EFCAB8: variants seen among roughly 807,000 people sequenced by gnomAD.
EFCAB8 encodes the protein EF-hand calcium binding domain 8.
EFCAB8 carries 100 observed loss-of-function variants against 116.3 expected under a neutral mutation model. The observed-to-expected ratio is 0.86, with a 90% CI of 0.73 to 1.02. The LOEUF is 1.02. Ranked by LOEUF, EFCAB8 falls within the 50% of genes least tolerant of loss-of-function variation. The pLI is 0.00. For missense variants in EFCAB8, 1,320 were observed against 1,416.9 expected (o/e 0.93, Z 1.10); for synonymous variants, 558 against 567.9 (o/e 0.98, Z 0.25).
At chr20:32,958,328 C>G (rs1296503364) in intron 23 of EFCAB8, 93 bp from the exon 24 acceptor site, 6 of 410,140 alleles carry the variant, frequency 1.5e-5, no homozygotes, top group Non-Finnish European at 2.7e-5. Context: ...ATAGGGGCTG[C>G]TAGCTGACCC....
At chr20:32,916,649 T>G (rs1987203026) in intron 17 of EFCAB8, among the ~76,000 whole-genome samples, 1 of 152,196 alleles carries the variant, frequency 6.6e-6, no homozygotes, top group African/African-American at 2.4e-5. Context: ...CTTCAGATAC[T>G]CTCACATTGA....
intron 15 of EFCAB8, among the ~76,000 whole-genome samples, chr20:32,910,377 G>T (rs1462382971): frequency 6.6e-6 from 1 of 152,188 alleles, no homozygotes; most frequent in Non-Finnish European, 1.5e-5. Flanking sequence ...CAGCACCTTG[G>T]TCCTGCGTGG....
intron 26 of EFCAB8, 104 bp downstream of exon 26, chr20:32,960,265 T>C (rs1989107554): frequency 9.5e-7 from 1 of 1,052,856 alleles, no homozygotes; most frequent in Non-Finnish European, 1.4e-6. Flanking sequence ...TCAGTGAGGG[T>C]GGACAGGAGC....
chr20:32,923,416 G>A lies in EFCAB8; in HGVS notation c.2412+3201G>A, dbSNP rs576538449. Among the ~76,000 whole-genome samples the A allele has an allele frequency of 2.2e-4, 33 of 151,990 alleles. 1 individual carries two copies. The highest frequency in any genetic ancestry group is 1.2e-4 in the Non-Finnish European group (8 of 68,010). ...CAGGAGAATTGATTGAACCCGGGAG[G>A]CGGAGGTTGCAGTGAGCTGAGATCG... is the stretch of plus-strand genomic sequence containing the variant. On this transcript the variant is annotated intron_variant, in intron 20 of 26. Coordinates refer to ENST00000400522, the MANE Select transcript of EFCAB8 (RefSeq NM_001143967.2).
chr20:32,875,999 G>C lies in EFCAB8; in HGVS notation c.282G>C (p.Glu94Asp), dbSNP rs1984952357. 1 of 1,552,158 alleles carries C rather than the reference G, an allele frequency of 6.4e-7. No homozygotes were observed. The highest frequency in any genetic ancestry group is 8.7e-7 in the Non-Finnish European group (1 of 1,147,122). The change falls in exon 4 of 27, where the codon GAG (glutamate) becomes GAC (aspartate). Residue 94 changes from glutamate to aspartate, a missense_variant. By Grantham distance (45) the Glu-to-Asp change is conservative. Coordinates refer to ENST00000400522, the MANE Select transcript of EFCAB8 (RefSeq NM_001143967.2). ...GTGTGTCGGACGAGATGCTAAAGGA[G>C]CTGTTTTTGAAGGTGGACTCGGACT... is the stretch of plus-strand genomic sequence containing the variant. The part of the protein sequence containing the change: ...LSSVSDEMLK[E>D]LFLKVDSDCE...
chr20:32,905,497 T>C (rs1358097488), intron 11 of EFCAB8, among the ~76,000 whole-genome samples: 1 of 152,132 alleles, frequency 6.6e-6, no homozygotes, highest in East Asian at 1.9e-4. Context: ...GTTTGGTGGC[T>C]CATGCCTGTA....
intron 2 of EFCAB8, among the ~76,000 whole-genome samples, chr20:32,865,208 A>T (rs904766219): frequency 3.3e-5 from 5 of 152,184 alleles, no homozygotes; most frequent in Non-Finnish European, 7.4e-5. Context: ...GATGACTGTC[A>T]TCTGAAAGTT....
chr20:32,907,174 T>A lies in EFCAB8; in HGVS notation c.1308+180T>A, dbSNP rs1449600483. On this transcript the variant is annotated intron_variant, in intron 13 of 26. Coordinates refer to ENST00000400522, the MANE Select transcript of EFCAB8 (RefSeq NM_001143967.2). ...TCTGAGCATGTCCCCAGAGCTGGGT[T>A]CCCAGGTAGCCCAGCCTGGCTTCTA... 3 of 969,632 alleles carry A rather than the reference T, an allele frequency of 3.1e-6. No homozygotes were observed. The African/African-American group carries it at 5.3e-5, about 17-fold the overall frequency. 60.1% of individuals were successfully genotyped at this position (969,632 alleles called of 1,614,324 possible).
chr20:32,895,015 C>G (rs1332764362), intron 9 of EFCAB8, among the ~76,000 whole-genome samples: 2 of 152,274 alleles, frequency 1.3e-5, no homozygotes, highest in Non-Finnish European at 2.9e-5. Flanking sequence ...CAATGTTTGG[C>G]ATGAGCCGCC....
chr20:32,873,705 A>G (rs1984802025), intron 3 of EFCAB8, among the ~76,000 whole-genome samples: 1 of 151,346 alleles, frequency 6.6e-6, no homozygotes, highest in South Asian at 2.1e-4. Flanking sequence ...TCTACTAAAA[A>G]TACAAAAATT....
rs915771309 is a variant in EFCAB8, at chr20:32,859,686, T to C, written c.-11+680T>C. ...TGAACATTTTGCCACATTTGTGTTA[T>C]TATACATGTTACTTGTTAAACCATT... On this transcript the variant is annotated intron_variant, in intron 1 of 26. Transcript: ENST00000400522. Among the ~76,000 whole-genome samples, 13 of 152,344 alleles carry C rather than the reference T, an allele frequency of 8.5e-5. No homozygotes were observed. In the South Asian group the frequency reaches 2.3e-3, roughly 27 times the overall value.
intron 9 of EFCAB8, among the ~76,000 whole-genome samples, chr20:32,893,752 C>T (rs1312142654): frequency 1.3e-5 from 2 of 152,118 alleles, no homozygotes; most frequent in African/African-American, 4.8e-5. Context: ...TCTGTGGAGC[C>T]TGGGCATGGC....
At chr20:32,880,645 A>T (rs1488600905) in intron 5 of EFCAB8, among the ~76,000 whole-genome samples, 1 of 152,232 alleles carries the variant, frequency 6.6e-6, no homozygotes, top group Non-Finnish European at 1.5e-5. Context: ...GAGATTTCAT[A>T]ACTGTATTTT....
At chr20:32,952,464 T>G (rs1401970835) in intron 23 of EFCAB8, among the ~76,000 whole-genome samples, 1 of 152,234 alleles carries the variant, frequency 6.6e-6, no homozygotes, top group East Asian at 1.9e-4. Context: ...AAATTTTGCA[T>G]GGAGATAGCC....
At chr20:32,927,116 T>A (rs1433397892) in intron 20 of EFCAB8, among the ~76,000 whole-genome samples, 1 of 152,086 alleles carries the variant, frequency 6.6e-6, no homozygotes, top group East Asian at 1.9e-4. Flanking sequence ...TTATAAAAAA[T>A]TAGGTACAAA....
At chr20:32,859,420 ACTTGT>A (rs1171469614) in intron 1 of EFCAB8, among the ~76,000 whole-genome samples, 1 of 152,100 alleles carries the variant, frequency 6.6e-6, no homozygotes, top group Non-Finnish European at 1.5e-5. Context: ...GAGGAATGGT[ACTTGT>A]CTTGGCCTCT....
intron 17 of EFCAB8, among the ~76,000 whole-genome samples, chr20:32,914,128 G>A (rs1004563840): frequency 1.3e-5 from 2 of 152,262 alleles, no homozygotes; most frequent in African/African-American, 4.8e-5. Context: ...GGTGGAGGCA[G>A]CCATGTCCTC....
chr20:32,894,489 A>G (rs6120017), intron 9 of EFCAB8, among the ~76,000 whole-genome samples: 40,339 of 152,166 alleles, frequency 0.27, 5,501 homozygotes, highest in South Asian at 0.32. Context: ...TTTGAGCCAC[A>G]TGGTGAATGG....
In EFCAB8 at chr20:32,892,274, C is replaced by T; in HGVS notation, c.735C>T (p.Ser245=). The T allele has an allele frequency of 2.6e-6, 4 of 1,551,642 alleles. No individual in the cohort carries two copies. Among genetic ancestry groups the T allele is most frequent in the Non-Finnish European group, 1.7e-6 (2 of 1,146,994 alleles). ...VRAFTFVDLD[S]CALVMDYWSD... is the part of the protein sequence containing the mutation. ...CCTTCACCTTTGTTGATCTGGACAG[C>T]TGTGCTCTGGTCATGGACTACTGGT... The change falls in exon 8 of 27, where the codon AGC becomes AGT. Residue 245 remains serine, a synonymous_variant. Coordinates refer to ENST00000400522, the MANE Select transcript of EFCAB8 (RefSeq NM_001143967.2).
Sources: gnomAD v4.1 joint callset for allele counts (sites outside exome capture counted in the v4.1 genomes callset) on GRCh38, gnomAD v4.1.1 for gene constraint, MANE v1.5 for transcripts, NCBI Gene and HGNC (gene_info 2026-07-23, HGNC 2026-07-21) for gene names.